Variants in CFLAR observed in about 807,000 individuals in gnomAD.
CFLAR encodes the protein CASP8 and FADD-like apoptosis regulator.
In CFLAR, 14 loss-of-function variants were observed where a neutral mutation model predicts 51.1. The observed-to-expected ratio is 0.27, with a 90% confidence interval of 0.18 to 0.43. CFLAR has a LOEUF of 0.43. Ranked by LOEUF, CFLAR falls within the 20% of genes least tolerant of loss-of-function variation. The pLI, the probability that CFLAR is intolerant of heterozygous loss-of-function variation, is 1.00. For missense variants in CFLAR, 390 were observed against 566.5 expected, an observed-to-expected ratio of 0.69 and a Z score of 3.16; for synonymous variants, 210 against 211.6, an observed-to-expected ratio of 0.99 and a Z score of 0.06.
In CFLAR at chr2:201,116,592, C is replaced by A. The variant is rs1177336188; in HGVS notation, c.-138+111C>A. On this transcript the variant is annotated intron_variant, in intron 1 of 9. Transcript: ENST00000309955. This position sits in a 1 kb window ranked among gnomAD's most constrained non-coding sequence, Gnocchi z 4.8. ...TTGCAGCAGGCCCTGCGCCGCCGCGCCCCGCGTCCCACCCCGCGCCGCTCC... is the reference window on the plus strand; with the variant it reads ...TTGCAGCAGGCCCTGCGCCGCCGCGACCCGCGTCCCACCCCGCGCCGCTCC... 1 of 153,514 alleles carries A rather than the reference C, an allele frequency of 6.5e-6. No homozygotes were observed. The highest frequency in any genetic ancestry group is 1.4e-5 in the Non-Finnish European group (1 of 69,038). The allele number at this position is 153,514 out of a possible 1,614,324, so 9.5% of individuals were successfully genotyped here. A position where few individuals can be genotyped will look rare whatever the true frequency, so the allele number is the denominator to read the frequency against.
chr2:201,163,870 A>G lies in CFLAR; in HGVS notation c.1340A>G (p.Asn447Ser). ...RPLLDLHIEL[N>S]GYMYDWNSRV... ...CTCCTGGATCTTCACATTGAACTCAATGGCTACATGTATGATTGGAACAGC... is the reference window on the plus strand; with the variant it reads ...CTCCTGGATCTTCACATTGAACTCAGTGGCTACATGTATGATTGGAACAGC... The change falls in exon 10 of 10, where the codon AAT becomes AGT. Residue 447 changes from asparagine to serine, a missense_variant. This residue lies in a region of CFLAR where 287 missense variants were observed against 363.6 expected (regional missense o/e 0.79). Transcript: ENST00000309955. 2 of 1,613,936 alleles carry G rather than the reference A, an allele frequency of 1.2e-6. No homozygotes were observed. The highest frequency in any genetic ancestry group is 1.7e-6 in the Non-Finnish European group (2 of 1,179,924).
intron 9 of CFLAR, chr2:201,162,691 C>A: frequency 4.3e-6 from 1 of 232,300 alleles, no homozygotes. Context: ...GGCGATGAGG[C>A]ACACAGGGAG....
intron 1 of CFLAR, among the ~76,000 whole-genome samples, chr2:201,119,477 T>G (rs1244362267): frequency 6.6e-6 from 1 of 152,160 alleles, no homozygotes; most frequent in Non-Finnish European, 1.5e-5. Flanking sequence ...GTTTTGTCTT[T>G]TCTTTTAGTA....
intron 8 of CFLAR, chr2:201,154,539 G>A (rs572224041): frequency 1.4e-4 from 21 of 152,338 alleles, no homozygotes; most frequent in African/African-American, 3.1e-4. Context: ...AGGTGAGGGA[G>A]TTTATCTATC....
At chr2:201,126,307 C>A (rs2048703325) in intron 1 of CFLAR, among the ~76,000 whole-genome samples, 2 of 152,130 alleles carry the variant, frequency 1.3e-5, no homozygotes, top group Non-Finnish European at 1.5e-5. Context: ...AAGACTATTA[C>A]AAGGTGATAG....
At position 201,149,066 on chromosome 2, in the gene CFLAR, G is replaced by T. The variant is rs2125847195; in HGVS notation, c.711+14G>T. 1.9e-6 allele frequency: 3 copies of T among 1,568,788 alleles called. No homozygotes were observed. The highest frequency in any genetic ancestry group is 1.1e-5 in the South Asian group (1 of 90,114). On this transcript the variant is annotated intron_variant, in intron 7 of 9. Transcript: ENST00000309955. ...TTTTTGCCTCAGGTACAGAATAAATGATCTGATTTGGTATTATATGTACAT... is the reference window on the plus strand; with the variant it reads ...TTTTTGCCTCAGGTACAGAATAAATTATCTGATTTGGTATTATATGTACAT...
chr2:201,132,920 G>C, intron 2 of CFLAR, 109 bp from the exon 3 acceptor site: 1 of 1,131,682 alleles, frequency 8.8e-7, no homozygotes. Context: ...ATTTACACAG[G>C]GGCAAGAACT....
intron 7 of CFLAR, chr2:201,149,381 G>A (rs1940859492): frequency 3.4e-6 from 1 of 293,700 alleles, no homozygotes; most frequent in Non-Finnish European, 6.4e-6. Context: ...CTCTTTGTAA[G>A]CAGAAGCAAT....
At position 201,138,813 on chromosome 2, in the gene CFLAR, A is replaced by G. The variant is rs2050522116; in HGVS notation, c.524-1544A>G. On this transcript the variant is annotated intron_variant, in intron 4 of 9. Transcript: ENST00000309955. This position sits in a 1 kb window ranked among gnomAD's most constrained non-coding sequence, Gnocchi z 4.0. ...GAAACCAGTACCTCCCATCAGAGCCATCACGATGGCCAGGTCGGCCTCTGT... is the reference window on the plus strand; with the variant it reads ...GAAACCAGTACCTCCCATCAGAGCCGTCACGATGGCCAGGTCGGCCTCTGT... The G allele has an allele frequency of 2.7e-6, 2 of 754,628 alleles. No individual in the cohort carries two copies. The highest frequency in any genetic ancestry group is 3.4e-5 in the Admixed American group (2 of 58,320). The allele number at this position is 754,628 out of a possible 1,614,324, so 46.7% of individuals were successfully genotyped here.
chr2:201,136,207 A>G lies in CFLAR; in HGVS notation c.523+100A>G, dbSNP rs1451917351. 6 of 1,610,704 alleles carry G rather than the reference A, an allele frequency of 3.7e-6. No individual in the cohort carries two copies. The African/African-American group carries it at 6.7e-5, about 18-fold the overall frequency. ...TTCATTTGTTGGATAGGTGGATGGAATGGAACCTGGATGACCAAAGCCTCC... is the reference window on the plus strand; with the variant it reads ...TTCATTTGTTGGATAGGTGGATGGAGTGGAACCTGGATGACCAAAGCCTCC... On this transcript the variant is annotated intron_variant, in intron 4 of 9. Transcript: ENST00000309955.
chr2:201,137,687 G>C (rs2050328689), intron 4 of CFLAR: 1 of 761,400 alleles, frequency 1.3e-6, no homozygotes, highest in African/African-American at 1.7e-5. Flanking sequence ...CTATGAGGTA[G>C]GGCACGAACT....
chr2:201,160,144 C>G (rs538546969), intron 8 of CFLAR, among the ~76,000 whole-genome samples: 1 of 152,134 alleles, frequency 6.6e-6, no homozygotes, highest in African/African-American at 2.4e-5. Context: ...TTTTGTCCCC[C>G]CTTGGTTTGA....
chr2:201,129,878 G>A lies in CFLAR; in HGVS notation c.13G>A (p.Val5Ile). 1 of 1,614,158 alleles carries A rather than the reference G, an allele frequency of 6.2e-7. No homozygotes were observed. The highest frequency in any genetic ancestry group is 8.5e-7 in the Non-Finnish European group (1 of 1,180,006). Residue 5 changes from valine (V) to isoleucine (I), a missense_variant, in exon 2 of 10, where the codon GTC (valine) becomes ATC (isoleucine). Coordinates refer to ENST00000309955, the MANE Select transcript of CFLAR (RefSeq NM_003879.7). MSAE[V>I]IHQVEEALDT... is the part of the protein sequence containing the mutation. The stretch of plus-strand genomic sequence containing the variant: ...GTCTAAGAGTAGGATGTCTGCTGAA[G>A]TCATCCATCAGGTTGAAGAAGCACT...
Position 201,170,922 on chromosome 2 carries a change from A to C in CFLAR, c.*6949A>C, listed in dbSNP as rs1328753206. ...TATGTGGCTTTGCCACTATGGATGA[A>C]TCTTATTTACTCAATATTAATTACT... On this transcript the variant is annotated 3_prime_UTR_variant, in exon 10 of 10. Transcript: ENST00000309955. 6.6e-6 allele frequency: 1 copy of C among 152,256 alleles called. No individual in the cohort carries two copies. Among genetic ancestry groups the C allele is most frequent in the African/African-American group, 2.4e-5 (1 of 41,470 alleles). The allele number at this position is 152,256 out of a possible 1,614,324, so 9.4% of individuals were successfully genotyped here.
chr2:201,124,746 C>T lies in CFLAR; in HGVS notation c.-137-4983C>T, dbSNP rs775050882. Reference sequence around the variant, plus strand: ...TAGGGGAATGAGTTTGGATGAGAGACGGATGGTAGGCACCAGCATTTAAGG... The same window carrying T: ...TAGGGGAATGAGTTTGGATGAGAGATGGATGGTAGGCACCAGCATTTAAGG... On this transcript the variant is annotated intron_variant, in intron 1 of 9. Coordinates refer to ENST00000309955, the MANE Select transcript of CFLAR (RefSeq NM_003879.7). The surrounding 1 kb of genome is among the most constrained non-coding windows in gnomAD (Gnocchi z 4.7). Among the ~76,000 whole-genome samples, 4 of 152,052 alleles carry T rather than the reference C, an allele frequency of 2.6e-5. No homozygotes were observed. The highest frequency in any genetic ancestry group is 7.3e-5 in the African/African-American group (3 of 41,372).
At chr2:201,149,956 T>G (rs1269122720) in intron 8 of CFLAR, 121 bp downstream of exon 8, 1 of 745,902 alleles carries the variant, frequency 1.3e-6, no homozygotes, top group East Asian at 2.8e-5. Context: ...GAATCTGTGC[T>G]TCATCCTGGG....
intron 7 of CFLAR, 41 bp from the exon 8 acceptor site, chr2:201,149,710 GAGC>G (rs1234475199): frequency 6.8e-7 from 1 of 1,471,860 alleles, no homozygotes; most frequent in Non-Finnish European, 9.5e-7. Context: ...TATAGAAACA[GAGC>G]AATATCCAGA....
At chr2:201,129,600 A>C in intron 1 of CFLAR, 129 bp from the exon 2 acceptor site, 2 of 466,732 alleles carry the variant, frequency 4.3e-6, no homozygotes, top group East Asian at 6.1e-5. Context: ...AGACTTCTAT[A>C]GATCCCTTTC....
intron 3 of CFLAR, among the ~76,000 whole-genome samples, chr2:201,135,495 C>G (rs186518969): frequency 6.6e-6 from 1 of 152,194 alleles, no homozygotes; most frequent in African/African-American, 2.4e-5. Context: ...GAGTAAAAAT[C>G]AGGAGTCTAA....
Sources: allele counts gnomAD v4.1 joint callset (sites outside exome capture counted in the v4.1 genomes callset), GRCh38; gene constraint gnomAD v4.1.1; regional missense constraint gnomAD v4.1.1; non-coding constraint Gnocchi (gnomAD v3.1); transcripts MANE v1.5; gene names NCBI Gene and HGNC (gene_info 2026-07-23, HGNC 2026-07-21).